The following PARP9 variants were observed in gnomAD, a reference collection of about 807,000 sequenced individuals.
PARP9 encodes poly(ADP-ribose) polymerase family member 9, also known as protein mono-ADP-ribosyltransferase PARP9.
A neutral mutation model predicts 68.8 loss-of-function variants in PARP9; 48 were observed. That is an observed-to-expected ratio of 0.70 (90% CI 0.55 to 0.89). PARP9 has a LOEUF of 0.89. Among genes scored for constraint, PARP9 ranks in the 40% least tolerant of loss-of-function variants. The probability of loss-of-function intolerance (pLI) is 0.00; values close to 1 mark genes in which losing one functional copy is unlikely to be tolerated. For synonymous variants in PARP9, 309 were observed against 333.8 expected, an observed-to-expected ratio of 0.93 and a Z score of 0.81; for missense variants, 806 against 969.3, an observed-to-expected ratio of 0.83 and a Z score of 2.24.
At position 122,535,871 on chromosome 3, in the gene PARP9, G is replaced by A. The variant is rs142286684; in HGVS notation, c.2080+297C>T. 386 of 1,142,004 alleles carry A rather than the reference G, an allele frequency of 3.4e-4. 1 individual carries two copies. The African/African-American group carries it at 5.9e-3, about 17-fold the overall frequency. 70.7% of individuals were successfully genotyped at this position (1,142,004 alleles called of 1,614,324 possible). A position where few individuals can be genotyped will look rare whatever the true frequency, so the allele number is the denominator to read the frequency against. On this transcript the variant is annotated intron_variant, in intron 10 of 10. Transcript: ENST00000682323. ...AAAAAAAAAAAAAAAGCCTCAACGT[G>A]TTCTCTGCGGATAGGACACAGAAAC...
chr3:122,558,366 C>G lies in PARP9; in HGVS notation c.49+68G>C, dbSNP rs1038201687. 4 of 1,614,166 alleles carry G rather than the reference C, an allele frequency of 2.5e-6. No individual in the cohort carries two copies. In the African/African-American group the frequency reaches 4.0e-5, roughly 16 times the overall value. ...AGGGGAGACATTCTTCTGTATTCCCCTTTCTCCACTGAGGAAAGATCTGAG... is the reference window on the plus strand; with the variant it reads ...AGGGGAGACATTCTTCTGTATTCCCGTTTCTCCACTGAGGAAAGATCTGAG... On this transcript the variant is annotated intron_variant, in intron 3 of 10. Coordinates refer to ENST00000682323, the MANE Select transcript of PARP9 (RefSeq NM_001146105.2).
Position 122,555,644 on chromosome 3 carries a change from C to T in PARP9, c.527G>A (p.Gly176Glu), listed in dbSNP as rs1414916808. ...WMEWDKQGCT[G>E]KLQRAIVSIL... ...ACTTACAATGGCCCTCTGCAGCTTT[C>T]CAGTACATCCCTGTTTATCCCATTC... Residue 176 changes from glycine to glutamate, a missense_variant, in exon 4 of 11, where the codon GGA becomes GAA. Physicochemically the swap from Gly to Glu is moderately conservative, Grantham distance 98. Around this residue, in one of 2 missense-constraint regions of PARP9, gnomAD observed 680 missense variants for 858.8 expected, o/e 0.79. Transcript: ENST00000682323. The T allele has an allele frequency of 2.5e-6, 4 of 1,613,972 alleles. No individual in the cohort carries two copies. The Admixed American group carries it at 6.7e-5, about 27-fold the overall frequency.
Position 122,564,245 on chromosome 3 carries a change from C to T in PARP9, c.-90G>A. On this transcript the variant is annotated splice_region_variant and 5_prime_UTR_variant, in exon 1 of 11. Transcript: ENST00000682323. ...GCCCAGAGGCACCGGACCTACTCAC[C>T]CGGCAGGCCGCTCTCCTCGGTGCAG... 1.4e-6 allele frequency: 1 copy of T among 704,006 alleles called. No homozygotes were observed. The allele number at this position is 704,006 out of a possible 1,614,324, so 43.6% of individuals were successfully genotyped here. A position where few individuals can be genotyped will look rare whatever the true frequency, so the allele number is the denominator to read the frequency against.
Position 122,555,937 on chromosome 3 carries a change from C to T in PARP9, c.234G>A (p.Met78Ile). The T allele has an allele frequency of 6.2e-7, 1 of 1,613,944 alleles. No homozygotes were observed. Among genetic ancestry groups the T allele is most frequent in the Non-Finnish European group, 8.5e-7 (1 of 1,179,980 alleles). ...NSKSLQVFRK[M>I]LTPRIELSVW... ...CTGATAACTCTATCCTAGGAGTCAGCATTTTTCTGAACACTTGCAGAGATT... is the reference window on the plus strand; with the variant it reads ...CTGATAACTCTATCCTAGGAGTCAGTATTTTTCTGAACACTTGCAGAGATT... The change falls in exon 4 of 11, where the codon ATG (methionine) becomes ATA (isoleucine). Residue 78 changes from methionine (M) to isoleucine (I), a missense_variant. Transcript: ENST00000682323.
At chr3:122,545,302 A>T (rs1048151851) in intron 7 of PARP9, 130 bp downstream of exon 7, 2 of 885,382 alleles carry the variant, frequency 2.3e-6, no homozygotes, top group Non-Finnish European at 1.8e-6. Context: ...GCAGGTATCC[A>T]AGCAGGACCA....
Position 122,550,716 on chromosome 3 carries a change from T to G in PARP9, c.1194A>C (p.Gly398=), listed in dbSNP as rs115689903. The part of the protein sequence containing the change: ...TSISFPALGT[G]NMEIKKETAA... The stretch of plus-strand genomic sequence containing the variant: ...CTGTTTCCTTCTTTATTTCCATGTT[T>G]CCAGTCCCAAGGGCAGGAAAGGAAA... Residue 398 remains glycine, a synonymous_variant, in exon 6 of 11, where the codon GGA becomes GGC. Transcript: ENST00000682323. 2.8e-5 allele frequency: 46 copies of G among 1,614,170 alleles called. No homozygotes were observed. In the African/African-American group the frequency reaches 5.9e-4, roughly 21 times the overall value.
intron 10 of PARP9, chr3:122,531,834 A>C (rs1576373171): frequency 6.6e-6 from 1 of 152,152 alleles, no homozygotes; most frequent in East Asian, 1.9e-4. Flanking sequence ...AGAGTAATAC[A>C]AAATATTCTA....
chr3:122,559,684 T>C lies in PARP9; in HGVS notation c.-64A>G. The C allele has an allele frequency of 6.7e-7, 1 of 1,491,492 alleles. No homozygotes were observed. Among genetic ancestry groups the C allele is most frequent in the South Asian group, 1.4e-5 (1 of 70,956 alleles). 92.4% of individuals were successfully genotyped at this position (1,491,492 alleles called of 1,614,324 possible). Reference sequence around the variant, plus strand: ...CTTTTGCGCTTCAAAGCATAGACTGTAGTTTCCAGATATGGTGGCCCACTT... The same window carrying C: ...CTTTTGCGCTTCAAAGCATAGACTGCAGTTTCCAGATATGGTGGCCCACTT... On this transcript the variant is annotated 5_prime_UTR_variant, in exon 2 of 11. Coordinates refer to ENST00000682323, the MANE Select transcript of PARP9 (RefSeq NM_001146105.2).
intron 5 of PARP9, among the ~76,000 whole-genome samples, chr3:122,551,506 A>T (rs752563310): frequency 2.0e-5 from 3 of 151,912 alleles, no homozygotes; most frequent in South Asian, 4.2e-4. Flanking sequence ...TTTATTTTAT[A>T]TTTTATTTTT....
In PARP9 at chr3:122,559,592, T is replaced by C; in HGVS notation, c.15+14A>G. ...GATCAAGGTTCATGACGTATACACATTTATGCTTTTTACCATGGAAAAGTC... is the reference window on the plus strand; with the variant it reads ...GATCAAGGTTCATGACGTATACACACTTATGCTTTTTACCATGGAAAAGTC... On this transcript the variant is annotated intron_variant, in intron 2 of 10. Transcript: ENST00000682323. 6.3e-7 allele frequency: 1 copy of C among 1,589,636 alleles called. No homozygotes were observed. Among genetic ancestry groups the C allele is most frequent in the Non-Finnish European group, 8.6e-7 (1 of 1,167,958 alleles).
chr3:122,555,475 T>G lies in PARP9; in HGVS notation c.696A>C (p.Pro232=). ...ETIRVSLQGK[P]MMSNLKEIHL... ...GAATTTCTTTCAAATTACTCATCATTGGCTTCCCTTGCAAACTAACCCGGA... is the reference window on the plus strand; with the variant it reads ...GAATTTCTTTCAAATTACTCATCATGGGCTTCCCTTGCAAACTAACCCGGA... The change falls in exon 4 of 11, where the codon CCA becomes CCC. Residue 232 remains proline, a synonymous_variant. Transcript: ENST00000682323. 6.2e-7 allele frequency: 1 copy of G among 1,614,216 alleles called. No individual in the cohort carries two copies. Among genetic ancestry groups the G allele is most frequent in the Admixed American group, 1.7e-5 (1 of 60,030 alleles).
Position 122,528,626 on chromosome 3 carries a change from G to A in PARP9, c.2198C>T (p.Thr733Ile), listed in dbSNP as rs1457691931. Residue 733 changes from threonine (T) to isoleucine (I), a missense_variant, in exon 11 of 11, where the codon ACA becomes ATA. Thr to Ile is a moderately conservative substitution (Grantham distance 89). This residue lies in a region of PARP9 where 680 missense variants were observed against 858.8 expected (regional missense o/e 0.79). Coordinates refer to ENST00000682323, the MANE Select transcript of PARP9 (RefSeq NM_001146105.2). ...LIYVFEAEVL[T>I]GFFCQGHPLN... is the part of the protein sequence containing the mutation. ...CGGATGTCCCTGGCAGAAGAAGCCT[G>A]TGAGTACTTCAGCCTCAAACACATA... The A allele has an allele frequency of 6.2e-7, 1 of 1,614,210 alleles. No individual in the cohort carries two copies. The highest frequency in any genetic ancestry group is 8.5e-7 in the Non-Finnish European group (1 of 1,180,032).
At chr3:122,535,688 C>T (rs1243955872) in intron 10 of PARP9, 1 of 988,110 alleles carries the variant, frequency 1.0e-6, no homozygotes, top group Non-Finnish European at 1.2e-6. Context: ...ACTTCACCTG[C>T]CAAATGATAC....
rs759951160 is a variant in PARP9 at position 122,555,524 on chromosome 3, C to A, written c.647G>T (p.Cys216Phe). The A allele has an allele frequency of 1.3e-5, 21 of 1,614,040 alleles. No individual in the cohort carries two copies. Among genetic ancestry groups the A allele is most frequent in the Non-Finnish European group, 1.7e-5 (20 of 1,180,032 alleles). Reference sequence around the variant, plus strand: ...GATAGTCTCTACAATAGTCTTTGTACACAAATTCAGAGGGAACTGAAAAAT... The same window carrying A: ...GATAGTCTCTACAATAGTCTTTGTAAACAAATTCAGAGGGAACTGAAAAAT... ...SGIFQFPLNL[C>F]TKTIVETIRV... is the part of the protein sequence containing the mutation. The change falls in exon 4 of 11, where the codon TGT becomes TTT. Residue 216 changes from cysteine (C) to phenylalanine (F), a missense_variant. Transcript: ENST00000682323.
intron 4 of PARP9, among the ~76,000 whole-genome samples, 180 bp downstream of exon 4, chr3:122,555,106 T>C (rs1173149723): frequency 6.6e-6 from 1 of 152,154 alleles, no homozygotes; most frequent in African/African-American, 2.4e-5. Flanking sequence ...TGGGCTCAAA[T>C]GGTCCTCCAA....
At chr3:122,564,483 C>A, upstream of PARP9, 1 of 1,612,518 alleles carries the variant, frequency 6.2e-7, no homozygotes. Context: ...ACAAGTCCGG[C>A]CCCCGAGTAC....
At chr3:122,559,916 C>T (rs2080041548) in intron 1 of PARP9, among the ~76,000 whole-genome samples, 1 of 152,148 alleles carries the variant, frequency 6.6e-6, no homozygotes, top group Non-Finnish European at 1.5e-5. Flanking sequence ...ATCATAATGG[C>T]AGTTCAGAGA....
intron 1 of PARP9, among the ~76,000 whole-genome samples, chr3:122,560,548 A>G (rs935742473): frequency 1.8e-4 from 28 of 151,960 alleles, no homozygotes; most frequent in African/African-American, 6.3e-4. Flanking sequence ...CACCACGCCC[A>G]GCTAATTTTT....
At chr3:122,529,652 G>C (rs1341292882) in intron 10 of PARP9, among the ~76,000 whole-genome samples, 1 of 151,868 alleles carries the variant, frequency 6.6e-6, no homozygotes, top group Non-Finnish European at 1.5e-5. Context: ...TACTCCGGGG[G>C]CTGAGGCAGG....
Sources: gnomAD v4.1 joint callset for allele counts (sites outside exome capture counted in the v4.1 genomes callset) on GRCh38, gnomAD v4.1.1 for gene constraint, gnomAD v4.1.1 regional missense constraint, MANE v1.5 for transcripts, NCBI Gene and HGNC (gene_info 2026-07-23, HGNC 2026-07-21) for gene names.